Variants in ABLIM2 observed in about 807,000 individuals in gnomAD.
ABLIM2 encodes the protein actin binding LIM protein family member 2, also known as actin-binding LIM protein 2.
A neutral mutation model predicts 97.7 loss-of-function variants in ABLIM2; 53 were observed. That is an observed-to-expected ratio of 0.54 (90% CI 0.44 to 0.68). ABLIM2 has a LOEUF of 0.68. Ranked by LOEUF, ABLIM2 falls within the 30% of genes least tolerant of loss-of-function variation. The probability of loss-of-function intolerance (pLI) is 0.00; values close to 1 mark genes in which losing one functional copy is unlikely to be tolerated. For synonymous variants in ABLIM2, 361 were observed against 345.8 expected, an observed-to-expected ratio of 1.04 and a Z score of -0.49; for missense variants, 835 against 867.2, an observed-to-expected ratio of 0.96 and a Z score of 0.47.
chr4:8,101,167 T>A (rs1012267766), intron 2 of ABLIM2, among the ~76,000 whole-genome samples: 6 of 152,204 alleles, frequency 3.9e-5, no homozygotes, highest in African/African-American at 1.4e-4. Flanking sequence ...GGGGCCTGAG[T>A]GAGCCTTAAC....
rs61114929 is a variant in ABLIM2, at chr4:8,143,170, G to GGGC, written c.10+15509_10+15510insGCC. On this transcript the variant is annotated intron_variant, in intron 1 of 20. Transcript: ENST00000447017. ...AGCGGGGGCGAGAGTGGGGGGGGGG[G>GGGC]GCGTCTGCAAATGCATCTCCTGGGG... Among the ~76,000 whole-genome samples, 369 of 136,262 alleles carry GGGC rather than the reference G, an allele frequency of 2.7e-3. 8 individuals carry two copies. The highest frequency in any genetic ancestry group is 3.2e-3 in the Non-Finnish European group (194 of 60,056). The allele number at this position is 136,262 out of a possible 152,430, so 89.4% of individuals were successfully genotyped here.
At chr4:7,974,416 A>ATCCACCC in intron 20 of ABLIM2, among the ~76,000 whole-genome samples, 1 of 44,246 alleles carries the variant, frequency 2.3e-5, no homozygotes, top group African/African-American at 8.1e-5. Flanking sequence ...TCCATCCACC[A>ATCCACCC]ATCCATCCAC....
intron 6 of ABLIM2, among the ~76,000 whole-genome samples, chr4:8,076,218 G>C (rs1190118334): frequency 6.6e-6 from 1 of 152,254 alleles, no homozygotes; most frequent in South Asian, 2.1e-4. Context: ...AGAGTTGCTG[G>C]ATGCGGGTTT....
intron 20 of ABLIM2, among the ~76,000 whole-genome samples, chr4:7,968,103 C>T (rs1022092312): frequency 1.3e-5 from 2 of 152,252 alleles, no homozygotes; most frequent in African/African-American, 2.4e-5. Flanking sequence ...TTTCCATCCA[C>T]GGGGATGCTT....
chr4:8,061,359 G>A lies in ABLIM2; in HGVS notation c.676-305C>T, dbSNP rs1056070589. On this transcript the variant is annotated intron_variant, in intron 6 of 20. Transcript: ENST00000447017. The surrounding 1 kb of genome is among the most constrained non-coding windows in gnomAD (Gnocchi z 4.5). Reference sequence around the variant, plus strand: ...GAGGGGTCAGCCTCCTTTACCAGGCGGCATCCAGAGAGAGGTCTTGGTATT... The same window carrying A: ...GAGGGGTCAGCCTCCTTTACCAGGCAGCATCCAGAGAGAGGTCTTGGTATT... Among the ~76,000 whole-genome samples, 15 of 152,254 alleles carry A rather than the reference G, an allele frequency of 9.9e-5. No homozygotes were observed. The highest frequency in any genetic ancestry group is 3.6e-4 in the African/African-American group (15 of 41,536).
At chr4:8,017,665 G>A (rs1432474583) in intron 14 of ABLIM2, among the ~76,000 whole-genome samples, 1 of 152,108 alleles carries the variant, frequency 6.6e-6, no homozygotes, top group Non-Finnish European at 1.5e-5. Flanking sequence ...ACTTGCCTTT[G>A]CATAGGAGAA....
chr4:8,050,958 C>T (rs537894740), intron 8 of ABLIM2, among the ~76,000 whole-genome samples: 53 of 152,368 alleles, frequency 3.5e-4, no homozygotes, highest in African/African-American at 1.1e-3. Flanking sequence ...CACAGGCCCC[C>T]GAGCACAAGG....
Position 8,008,965 on chromosome 4 carries a change from C to T in ABLIM2, c.1476+85G>A, listed in dbSNP as rs530092933. The T allele has an allele frequency of 3.0e-5, 45 of 1,491,354 alleles. No individual in the cohort carries two copies. In the African/African-American group the frequency reaches 4.4e-4, roughly 15 times the overall value. The allele number at this position is 1,491,354 out of a possible 1,614,324, so 92.4% of individuals were successfully genotyped here. On this transcript the variant is annotated intron_variant, in intron 15 of 20. Transcript: ENST00000447017. Reference sequence around the variant, plus strand: ...AGGAACAGAATGTAAGAGGAAGATTCGAAGTCTCAATCGGAGAAGCCCTCA... The same window carrying T: ...AGGAACAGAATGTAAGAGGAAGATTTGAAGTCTCAATCGGAGAAGCCCTCA...
At position 8,072,288 on chromosome 4, in the gene ABLIM2, T is replaced by C. The variant is rs1812751784; in HGVS notation, c.675+5340A>G. Among the ~76,000 whole-genome samples, 1 of 151,916 alleles carries C rather than the reference T, an allele frequency of 6.6e-6. No homozygotes were observed. The highest frequency in any genetic ancestry group is 1.5e-5 in the Non-Finnish European group (1 of 68,008). On this transcript the variant is annotated intron_variant, in intron 6 of 20. Coordinates refer to ENST00000447017, the MANE Select transcript of ABLIM2 (RefSeq NM_001130083.2). The surrounding 1 kb of genome is among the most constrained non-coding windows in gnomAD (Gnocchi z 5.8). ...ATCAGGGATGCTTACATTGCAGACATGGGACGCTTGCCTCCCAATCCATCA... is the reference window on the plus strand; with the variant it reads ...ATCAGGGATGCTTACATTGCAGACACGGGACGCTTGCCTCCCAATCCATCA...
chr4:8,143,737 T>C (rs1465452700), intron 1 of ABLIM2, among the ~76,000 whole-genome samples: 1 of 152,150 alleles, frequency 6.6e-6, no homozygotes, highest in Non-Finnish European at 1.5e-5. Context: ...AGGGAAGAAC[T>C]GCCTCCAGTG....
In ABLIM2 at chr4:8,112,408, AAT is replaced by A. The variant is rs1840785888; in HGVS notation, c.11-5773_11-5772del. On this transcript the variant is annotated intron_variant, in intron 1 of 20. Transcript: ENST00000447017. The surrounding 1 kb of genome is among the most constrained non-coding windows in gnomAD (Gnocchi z 4.2). ...GGCTTGATCTTAGGAGGATGTTTTA[AAT>A]GTCCATTGAAGTAGAGAAAGCTCCA... 2.0e-5 allele frequency among the ~76,000 whole-genome samples: 3 copies of A among 152,338 alleles called. No individual in the cohort carries two copies. Among genetic ancestry groups the A allele is most frequent in the African/African-American group, 7.2e-5 (3 of 41,570 alleles).
intron 1 of ABLIM2, among the ~76,000 whole-genome samples, chr4:8,154,684 G>A (rs1002605445): frequency 2.0e-5 from 3 of 152,134 alleles, no homozygotes; most frequent in Non-Finnish European, 2.9e-5. Flanking sequence ...CTTCCCCACC[G>A]CCCAATTAGA....
intron 1 of ABLIM2, among the ~76,000 whole-genome samples, chr4:8,141,930 C>T (rs1851047253): frequency 6.6e-6 from 1 of 152,108 alleles, no homozygotes; most frequent in Admixed American, 6.6e-5. Context: ...AGGGGGAGGG[C>T]CCCCCCAGCT....
rs1203713750 is a variant in ABLIM2 at position 8,033,098 on chromosome 4, C to T, written c.1047+3051G>A. ...GGTGCTCAGCAGAGACAGAGGGTGACCAGAAGCCTTTGGGTTGGAGACGGC... is the reference window on the plus strand; with the variant it reads ...GGTGCTCAGCAGAGACAGAGGGTGATCAGAAGCCTTTGGGTTGGAGACGGC... On this transcript the variant is annotated intron_variant, in intron 10 of 20. Transcript: ENST00000447017. This position sits in a 1 kb window ranked among gnomAD's most constrained non-coding sequence, Gnocchi z 4.5. Among the ~76,000 whole-genome samples, 4 of 152,190 alleles carry T rather than the reference C, an allele frequency of 2.6e-5. No homozygotes were observed. The highest frequency in any genetic ancestry group is 9.7e-5 in the African/African-American group (4 of 41,446).
chr4:8,117,373 G>A (rs939120014), intron 1 of ABLIM2, among the ~76,000 whole-genome samples: 1 of 152,064 alleles, frequency 6.6e-6, no homozygotes, highest in Non-Finnish European at 1.5e-5. Context: ...CACACCTACA[G>A]ACTCCACCCA....
rs1198077336 is a variant in ABLIM2, at chr4:8,082,194, C to T, written c.455-1392G>A. Among the ~76,000 whole-genome samples the T allele has an allele frequency of 1.3e-5, 2 of 152,100 alleles. No homozygotes were observed. Among genetic ancestry groups the T allele is most frequent in the African/African-American group, 4.8e-5 (2 of 41,426 alleles). ...ACAGACCAAGCAGGGACCCCTCGTG[C>T]CCAAGGAAACCTCTACCCAAGATGG... is the stretch of plus-strand genomic sequence containing the variant. On this transcript the variant is annotated intron_variant, in intron 4 of 20. Transcript: ENST00000447017. This position sits in a 1 kb window ranked among gnomAD's most constrained non-coding sequence, Gnocchi z 5.6.
rs754760686 is a variant in ABLIM2, at chr4:8,001,050, G to A, written c.1618+7009C>T. ...TTCCCATCCGCTCCTGGGTGCACGG[G>A]CAGGAGGTTTGGAGGCTGTGGCACT... is the stretch of plus-strand genomic sequence containing the variant. On this transcript the variant is annotated intron_variant, in intron 16 of 20. Coordinates refer to ENST00000447017, the MANE Select transcript of ABLIM2 (RefSeq NM_001130083.2). This position sits in a 1 kb window ranked among gnomAD's most constrained non-coding sequence, Gnocchi z 4.2. 1.3e-5 allele frequency among the ~76,000 whole-genome samples: 2 copies of A among 152,228 alleles called. No homozygotes were observed. The highest frequency in any genetic ancestry group is 6.5e-5 in the Admixed American group (1 of 15,292).
At chr4:8,143,460 G>A (rs1163161046) in intron 1 of ABLIM2, among the ~76,000 whole-genome samples, 3 of 152,206 alleles carry the variant, frequency 2.0e-5, no homozygotes, top group African/African-American at 4.8e-5. Context: ...GTCAGGGCAC[G>A]GATGAAATTC....
intron 8 of ABLIM2, among the ~76,000 whole-genome samples, chr4:8,045,580 C>T (rs956751124): frequency 6.6e-5 from 10 of 152,188 alleles, no homozygotes; most frequent in East Asian, 5.8e-4. Flanking sequence ...ACCTGGGAGG[C>T]GGTGCTCAGT....
Sources: allele counts gnomAD v4.1 joint callset (sites outside exome capture counted in the v4.1 genomes callset), GRCh38; gene constraint gnomAD v4.1.1; non-coding constraint Gnocchi (gnomAD v3.1); transcripts MANE v1.5; gene names NCBI Gene and HGNC (gene_info 2026-07-23, HGNC 2026-07-21).